NUP210L: variants seen among roughly 807,000 people sequenced by gnomAD.
The protein encoded by NUP210L is nuclear pore membrane glycoprotein 210-like.
NUP210L carries 74 observed loss-of-function variants against 208.5 expected under a neutral mutation model. That is an observed-to-expected ratio of 0.35 (90% CI 0.29 to 0.43). The LOEUF is 0.43. NUP210L is among the 20% of genes least tolerant of loss of function. NUP210L has a pLI of 1.00. For synonymous variants in NUP210L, 780 were observed against 816.9 expected (o/e 0.95, Z 0.77); for missense variants, 1,843 against 2,289.4 (o/e 0.81, Z 3.98).
At chr1:154,139,750 C>T (rs1245679308) in intron 5 of NUP210L, 52 bp downstream of exon 5, 4 of 1,414,878 alleles carry the variant, frequency 2.8e-6, no homozygotes, top group Non-Finnish European at 4.0e-6. Context: ...CAGAGTTAGA[C>T]CATATCTTGA....
intron 37 of NUP210L, among the ~76,000 whole-genome samples, chr1:154,000,139 ATTC>A (rs1349893953): frequency 6.6e-6 from 1 of 152,154 alleles, no homozygotes; most frequent in African/African-American, 2.4e-5. Flanking sequence ...GCTGACAACT[ATTC>A]TTAAATATAT....
chr1:154,054,710 G>T, intron 24 of NUP210L, 60 bp downstream of exon 24: 3 of 868,030 alleles, frequency 3.5e-6, no homozygotes, highest in South Asian at 1.7e-5. Context: ...GTGTGTGTGT[G>T]AGAGAGAGAG....
intron 10 of NUP210L, among the ~76,000 whole-genome samples, chr1:154,120,494 G>C (rs943829695): frequency 6.6e-6 from 1 of 151,940 alleles, no homozygotes; most frequent in African/African-American, 2.4e-5. Flanking sequence ...GGGGGAGGGG[G>C]GAAGGATAGC....
chr1:154,098,070 G>A (rs539329909), intron 14 of NUP210L, among the ~76,000 whole-genome samples: 2 of 152,368 alleles, frequency 1.3e-5, no homozygotes, highest in East Asian at 3.9e-4. Flanking sequence ...ATGGGGTCCA[G>A]CCACTGCAGT....
Position 154,114,748 on chromosome 1 carries a change from C to A in NUP210L, c.1620+2977G>T, listed in dbSNP as rs1657225536. ...TAGCTAGGACTACAGGCATGTGCCA[C>A]TATGCCTGGTTAATTTTTTTTTTAA... On this transcript the variant is annotated intron_variant, in intron 12 of 39. Coordinates refer to ENST00000368559, the Ensembl canonical transcript of NUP210L. Among the ~76,000 whole-genome samples, 5 of 147,888 alleles carry A rather than the reference C, an allele frequency of 3.4e-5. No individual in the cohort carries two copies. In the Admixed American group the frequency reaches 3.4e-4, roughly 10 times the overall value.
intron 30 of NUP210L, among the ~76,000 whole-genome samples, chr1:154,023,536 G>A (rs1378497752): frequency 1.3e-5 from 2 of 151,914 alleles, no homozygotes; most frequent in Admixed American, 6.6e-5. Flanking sequence ...GGAGTGCAGC[G>A]GCATGATTTT....
chr1:154,123,206 C>T (rs4845599), intron 10 of NUP210L, among the ~76,000 whole-genome samples: 1 of 152,118 alleles, frequency 6.6e-6, no homozygotes, highest in Non-Finnish European at 1.5e-5. Context: ...AGTGCAATGG[C>T]GCAACCTCGG....
intron 15 of NUP210L, among the ~76,000 whole-genome samples, chr1:154,092,550 GTT>G (rs760240667): frequency 2.9e-4 from 37 of 128,508 alleles, no homozygotes; most frequent in Admixed American, 5.6e-4. Context: ...TTTGTTTTTT[GTT>G]TTTTTTTTTT....
intron 16 of NUP210L, among the ~76,000 whole-genome samples, chr1:154,073,921 C>T (rs1190338184): frequency 6.6e-6 from 1 of 151,912 alleles, no homozygotes; most frequent in Admixed American, 6.6e-5. Flanking sequence ...CTTGACAACT[C>T]TGAATAGTGA....
At chr1:153,995,050 T>A in intron 38 of NUP210L, 26 bp downstream of exon 38, 1 of 1,370,190 alleles carries the variant, frequency 7.3e-7, no homozygotes, top group Non-Finnish European at 1.0e-6. Context: ...TGTCAAAGTC[T>A]ATGTTATTGA....
In NUP210L at chr1:154,061,057, A is replaced by G; in HGVS notation, c.2644-11T>C. ...CAAGTTGGAAATTTCCTAGAAATAT[A>G]ATAAGAACCACAAAAGTGAATATAA... On this transcript the variant is annotated splice_polypyrimidine_tract_variant and intron_variant, in intron 18 of 39. Transcript: ENST00000368559. 1 of 1,566,028 alleles carries G rather than the reference A, an allele frequency of 6.4e-7. No homozygotes were observed. The highest frequency in any genetic ancestry group is 8.8e-7 in the Non-Finnish European group (1 of 1,136,702).
Position 154,074,053 on chromosome 1 carries a change from G to A in NUP210L, c.2362-3588C>T, listed in dbSNP as rs573868547. The stretch of plus-strand genomic sequence containing the variant: ...TTGTCGTTGTTTTTTGTTTTGGAGA[G>A]TCTGTTAAAAATTTACTTGCACATA... On this transcript the variant is annotated intron_variant, in intron 16 of 39. Coordinates refer to ENST00000368559, the Ensembl canonical transcript of NUP210L. Among the ~76,000 whole-genome samples, 38 of 151,128 alleles carry A rather than the reference G, an allele frequency of 2.5e-4. 1 individual carries two copies. The Middle Eastern group carries it at 0.017, about 68-fold the overall frequency.
intron 16 of NUP210L, among the ~76,000 whole-genome samples, chr1:154,082,464 A>T (rs1012765302): frequency 6.6e-5 from 10 of 152,164 alleles, no homozygotes; most frequent in African/African-American, 2.4e-4. Flanking sequence ...ACAATTCAAT[A>T]ATAGTTAGAG....
chr1:154,138,377 C>T, intron 5 of NUP210L, 139 bp from the exon 6 acceptor site: 1 of 650,002 alleles, frequency 1.5e-6, no homozygotes, highest in Non-Finnish European at 2.4e-6. Flanking sequence ...CTTTCCTAAT[C>T]ACAAGTCATA....
At chr1:154,003,368 C>T (rs773135626) in intron 35 of NUP210L, among the ~76,000 whole-genome samples, 2 of 151,616 alleles carry the variant, frequency 1.3e-5, no homozygotes, top group Admixed American at 6.6e-5. Flanking sequence ...CCACCACATC[C>T]GGCTAATTTT....
Position 154,138,178 on chromosome 1 carries a change from G to A in NUP210L, c.778C>T (p.His260Tyr), listed in dbSNP as rs150363452. The change falls in exon 6 of 40, where the codon CAT becomes TAT. Residue 260 changes from histidine (H) to tyrosine (Y), a missense_variant. Coordinates refer to ENST00000368559, the Ensembl canonical transcript of NUP210L. ...GTTCCTACTAAGAGATAAATATCAT[G>A]GGATGGTATAAGAAATATATTCTCC... The A allele has an allele frequency of 3.1e-4, 481 of 1,541,510 alleles. 1 individual carries two copies. The African/African-American group carries it at 5.9e-3, about 19-fold the overall frequency.
intron 12 of NUP210L, among the ~76,000 whole-genome samples, chr1:154,112,859 A>G (rs1028566278): frequency 1.9e-4 from 10 of 51,662 alleles, no homozygotes; most frequent in African/African-American, 4.1e-4. Context: ...CTGTCTGGGG[A>G]AAAAAAAAAA....
chr1:154,021,562 T>A (rs1336419364), intron 32 of NUP210L, among the ~76,000 whole-genome samples: 2 of 151,998 alleles, frequency 1.3e-5, no homozygotes, highest in Admixed American at 6.6e-5. Context: ...AATGATGATA[T>A]GTTAGGACTT....
chr1:154,026,028 G>A (rs1651857306), intron 29 of NUP210L, among the ~76,000 whole-genome samples: 1 of 151,388 alleles, frequency 6.6e-6, no homozygotes, highest in South Asian at 2.1e-4. Flanking sequence ...TTCAAGACCA[G>A]CTTGGCCAAC....
Sources: gnomAD v4.1 joint callset for allele counts (sites outside exome capture counted in the v4.1 genomes callset) on GRCh38, gnomAD v4.1.1 for gene constraint, MANE v1.5 for transcripts, NCBI Gene and HGNC (gene_info 2026-07-23, HGNC 2026-07-21) for gene names.